TLN2: variants seen among roughly 807,000 people sequenced by gnomAD.
TLN2 encodes the protein talin 2, also known as talin-2.
Under a neutral mutation model 294.7 loss-of-function variants are expected in TLN2, and 118 were observed. That is an observed-to-expected ratio of 0.40 (90% CI 0.34 to 0.47). The LOEUF (loss-of-function observed/expected upper bound fraction) is 0.47, where lower values mean the gene tolerates loss of function less well. Among genes scored for constraint, TLN2 ranks in the 20% least tolerant of loss-of-function variants. TLN2 has a pLI of 0.84. For missense variants in TLN2, 3,083 were observed against 3,282.2 expected, an observed-to-expected ratio of 0.94 and a Z score of 1.48; for synonymous variants, 1,431 against 1,304.5, an observed-to-expected ratio of 1.10 and a Z score of -2.09.
intron 58 of TLN2, 122 bp from the exon 59 acceptor site, chr15:62,840,360 G>T: frequency 7.1e-7 from 1 of 1,408,634 alleles, no homozygotes; most frequent in East Asian, 2.3e-5. Context: ...TAAGAAAGCT[G>T]TTCCGGATGT....
intron 1 of TLN2, among the ~76,000 whole-genome samples, chr15:62,410,278 T>A (rs182040808): frequency 1.2e-3 from 183 of 152,202 alleles, no homozygotes; most frequent in African/African-American, 4.2e-3. Flanking sequence ...GAGCTAAAGT[T>A]AATTTTGTGT....
chr15:62,688,320 C>T (rs1319365201), intron 12 of TLN2, among the ~76,000 whole-genome samples: 1 of 152,048 alleles, frequency 6.6e-6, no homozygotes, highest in African/African-American at 2.4e-5. Context: ...TTTCTGCTGT[C>T]TTTCTACTAT....
intron 6 of TLN2, among the ~76,000 whole-genome samples, chr15:62,652,448 A>G (rs28641906): frequency 6.6e-6 from 1 of 152,322 alleles, no homozygotes; most frequent in South Asian, 2.1e-4. Flanking sequence ...CTAGATGTTC[A>G]CTATCTCCTT....
At chr15:62,658,048 A>G (rs1033593005) in intron 9 of TLN2, 150 bp downstream of exon 9, 10 of 736,466 alleles carry the variant, frequency 1.4e-5, no homozygotes, top group Non-Finnish European at 2.1e-5. Flanking sequence ...AGATGACCAA[A>G]TTTGCAGATT....
At chr15:62,741,267 T>C (rs1595850025) in intron 32 of TLN2, among the ~76,000 whole-genome samples, 2 of 152,200 alleles carry the variant, frequency 1.3e-5, no homozygotes, top group South Asian at 2.1e-4. Flanking sequence ...GGCTCCACTT[T>C]AAGATGAGTA....
chr15:62,758,061 T>C (rs2062417388), intron 37 of TLN2, among the ~76,000 whole-genome samples: 1 of 152,232 alleles, frequency 6.6e-6, no homozygotes, highest in Non-Finnish European at 1.5e-5. Context: ...AGCTGCATAT[T>C]GCTCTTAAGT....
At chr15:62,587,838 T>C (rs2045740116) in intron 1 of TLN2, among the ~76,000 whole-genome samples, 1 of 152,220 alleles carries the variant, frequency 6.6e-6, no homozygotes, top group Non-Finnish European at 1.5e-5. Flanking sequence ...GTCTTTGTCA[T>C]CTTTACCAAT....
At chr15:62,524,377 C>A (rs1400078996) in intron 1 of TLN2, among the ~76,000 whole-genome samples, 1 of 152,098 alleles carries the variant, frequency 6.6e-6, no homozygotes, top group African/African-American at 2.4e-5. Flanking sequence ...GAGGGTCTTG[C>A]AGGTGTGTGC....
intron 1 of TLN2, among the ~76,000 whole-genome samples, chr15:62,394,106 G>C (rs1046341141): frequency 2.0e-5 from 3 of 152,116 alleles, no homozygotes; most frequent in African/African-American, 7.2e-5. Context: ...TAACTTCATG[G>C]CTTGACCAAA....
intron 1 of TLN2, among the ~76,000 whole-genome samples, chr15:62,564,919 A>ATATATATATATAT (rs1252446922): frequency 2.7e-5 from 3 of 112,234 alleles, no homozygotes; most frequent in African/African-American, 1.1e-4. Flanking sequence ...AAAAAAAAAA[A>ATATATATATATAT]AAAAAAATAT....
chr15:62,712,057 C>A lies in TLN2; in HGVS notation c.2614C>A (p.Arg872Ser). The A allele has an allele frequency of 6.2e-7, 1 of 1,614,030 alleles. No homozygotes were observed. The highest frequency in any genetic ancestry group is 8.5e-7 in the Non-Finnish European group (1 of 1,179,954). ...AAAACTCTTAGCTGACTCCACTGCTCGCATGGTGGAAGCTGCAAAGGTATT... is the reference window on the plus strand; with the variant it reads ...AAAACTCTTAGCTGACTCCACTGCTAGCATGGTGGAAGCTGCAAAGGTATT... ...AAKLLADSTA[R>S]MVEAAKGAAA... is the part of the protein sequence containing the mutation. Residue 872 changes from arginine (R) to serine (S), a missense_variant, in exon 22 of 59, where the codon CGC becomes AGC. By Grantham distance (110) the Arg-to-Ser change is moderately radical. Coordinates refer to ENST00000636159, the MANE Select transcript of TLN2 (RefSeq NM_015059.3).
chr15:62,548,755 C>T (rs1379339675), intron 1 of TLN2, among the ~76,000 whole-genome samples: 1 of 152,170 alleles, frequency 6.6e-6, no homozygotes, highest in Non-Finnish European at 1.5e-5. Context: ...AGTTTGGGGC[C>T]AGATCCTGTG....
At chr15:62,472,396 A>G (rs1008320165) in intron 1 of TLN2, among the ~76,000 whole-genome samples, 3 of 152,084 alleles carry the variant, frequency 2.0e-5, no homozygotes, top group Admixed American at 6.6e-5. Context: ...TGAGTTCCTG[A>G]TAGGCAGGGA....
chr15:62,761,724 G>A lies in TLN2; in HGVS notation c.4682G>A (p.Arg1561His), dbSNP rs376520234. 1.2e-5 allele frequency: 19 copies of A among 1,614,012 alleles called. No individual in the cohort carries two copies. The Admixed American group carries it at 1.8e-4, about 16-fold the overall frequency. Residue 1561 changes from arginine to histidine, a missense_variant, in exon 38 of 59, where the codon CGC becomes CAC. Coordinates refer to ENST00000636159, the MANE Select transcript of TLN2 (RefSeq NM_015059.3). ...DFSEDNRNKC[R>H]IATAPLIEAV... Reference sequence around the variant, plus strand: ...TCTGAAGACAACCGCAATAAGTGTCGCATCGCCACCGCACCCTTGATTGAA... The same window carrying A: ...TCTGAAGACAACCGCAATAAGTGTCACATCGCCACCGCACCCTTGATTGAA...
chr15:62,804,482 C>T (rs2066142390), intron 50 of TLN2, among the ~76,000 whole-genome samples: 1 of 152,122 alleles, frequency 6.6e-6, no homozygotes, highest in African/African-American at 2.4e-5. Context: ...CCAGTAATCC[C>T]AGCTACTCAG....
chr15:62,438,795 T>A (rs1202683998), intron 1 of TLN2, among the ~76,000 whole-genome samples: 5 of 152,174 alleles, frequency 3.3e-5, no homozygotes, highest in Non-Finnish European at 7.3e-5. Flanking sequence ...GGACAGATGC[T>A]CAGGTGATCC....
intron 1 of TLN2, among the ~76,000 whole-genome samples, chr15:62,487,277 G>A (rs2038451057): frequency 6.6e-6 from 1 of 152,180 alleles, no homozygotes; most frequent in African/African-American, 2.4e-5. Context: ...AGTCAGACCT[G>A]CCCTGGCTGC....
At chr15:62,777,141 C>T (rs1044545835) in intron 43 of TLN2, among the ~76,000 whole-genome samples, 2 of 152,130 alleles carry the variant, frequency 1.3e-5, no homozygotes, top group African/African-American at 4.8e-5. Context: ...AAAAGATGGA[C>T]ATGGAAAAGA....
At chr15:62,636,320 G>A (rs973385971) in intron 3 of TLN2, among the ~76,000 whole-genome samples, 6 of 151,700 alleles carry the variant, frequency 4.0e-5, no homozygotes, top group African/African-American at 1.5e-4. Context: ...GTATAAAATG[G>A]GGGTGACCTT....
Sources: gnomAD v4.1 joint callset for allele counts (sites outside exome capture counted in the v4.1 genomes callset) on GRCh38, gnomAD v4.1.1 for gene constraint, MANE v1.5 for transcripts, NCBI Gene and HGNC (gene_info 2026-07-23, HGNC 2026-07-21) for gene names.